The following EIF4G3 variants were observed in gnomAD, a reference collection of about 807,000 sequenced individuals.
EIF4G3 encodes the protein eIF-4-gamma 3.
A neutral mutation model predicts 186.4 loss-of-function variants in EIF4G3; 34 were observed. The observed-to-expected ratio is 0.18, with a 90% CI of 0.14 to 0.24. The LOEUF (loss-of-function observed/expected upper bound fraction) is 0.24, where lower values mean the gene tolerates loss of function less well. Among genes scored for constraint, EIF4G3 ranks in the 10% least tolerant of loss-of-function variants. The pLI, the probability that EIF4G3 is intolerant of heterozygous loss-of-function variation, is 1.00. For missense variants in EIF4G3, 1,536 were observed against 1,948.5 expected, an observed-to-expected ratio of 0.79 and a Z score of 3.99; for synonymous variants, 673 against 679.5, an observed-to-expected ratio of 0.99 and a Z score of 0.15.
At chr1:20,952,901 G>A (rs1236244934) in intron 12 of EIF4G3, among the ~76,000 whole-genome samples, 1 of 151,548 alleles carries the variant, frequency 6.6e-6, no homozygotes, top group Non-Finnish European at 1.5e-5. Context: ...TAACAAAGGA[G>A]TTCCTTATCT....
At chr1:21,175,158 G>A (rs886163723) in intron 2 of EIF4G3, 1 of 152,182 alleles carries the variant, frequency 6.6e-6, no homozygotes, top group Non-Finnish European at 1.5e-5. Context: ...AATACAGTGG[G>A]TGTAGGGAGG....
At position 20,868,090 on chromosome 1, in the gene EIF4G3, C is replaced by CTTTTT. The variant is rs66560662; in HGVS notation, c.2623-2833_2623-2829dup. Among the ~76,000 whole-genome samples, 4 of 90,416 alleles carry CTTTTT rather than the reference C, an allele frequency of 4.4e-5. 1 individual carries two copies. Among genetic ancestry groups the CTTTTT allele is most frequent in the African/African-American group, 8.1e-5 (2 of 24,694 alleles). 59.3% of individuals were successfully genotyped at this position (90,416 alleles called of 152,430 possible). A position where few individuals can be genotyped will look rare whatever the true frequency, so the allele number is the denominator to read the frequency against. Reference sequence around the variant, plus strand: ...GAGAATAGTGATTCATGGTGATTTTCTTTTTTTTTTTTTTTTGTCCTTAGG... The same window carrying CTTTTT: ...GAGAATAGTGATTCATGGTGATTTTCTTTTTTTTTTTTTTTTTTTTTGTCCTTAGG... On this transcript the variant is annotated intron_variant, in intron 20 of 36. Coordinates refer to ENST00000602326, the MANE Select transcript of EIF4G3 (RefSeq NM_001391906.1).
chr1:20,935,020 C>T (rs966953798), intron 14 of EIF4G3, among the ~76,000 whole-genome samples: 3 of 152,178 alleles, frequency 2.0e-5, no homozygotes, highest in Admixed American at 6.5e-5. Flanking sequence ...GTGCATGGAA[C>T]AATGACTGAC....
Position 20,901,687 on chromosome 1 carries a change from T to C in EIF4G3, c.1753-1744A>G, listed in dbSNP as rs1050336269. ...CAGAATCACTGAATTATCTGAGGTG[T>C]ATTACTATGAGGGGTATTTGAAGAG... On this transcript the variant is annotated intron_variant, in intron 15 of 36. Transcript: ENST00000602326. 2.6e-5 allele frequency among the ~76,000 whole-genome samples: 4 copies of C among 152,152 alleles called. No individual in the cohort carries two copies. The East Asian group carries it at 7.7e-4, about 29-fold the overall frequency.
intron 4 of EIF4G3, among the ~76,000 whole-genome samples, chr1:21,048,251 CAGTA>C (rs2094006918): frequency 6.6e-6 from 1 of 152,100 alleles, no homozygotes; most frequent in African/African-American, 2.4e-5. Context: ...CAACTTGAAA[CAGTA>C]AGAATTTCAA....
At position 20,948,952 on chromosome 1, in the gene EIF4G3, TG is replaced by T. The variant is rs2096083849; in HGVS notation, c.823+1050del. 2.3e-5 allele frequency among the ~76,000 whole-genome samples: 3 copies of T among 131,374 alleles called. No individual in the cohort carries two copies. In the South Asian group the frequency reaches 6.9e-4, roughly 30 times the overall value. The allele number at this position is 131,374 out of a possible 152,430, so 86.2% of individuals were successfully genotyped here. ...TGAGCCCAGGAGGAGGAGGTTGCAGTGAGTCAAGACTCTGTCTCAAAAAAAA... is the reference window on the plus strand; with the variant it reads ...TGAGCCCAGGAGGAGGAGGTTGCAGTAGTCAAGACTCTGTCTCAAAAAAAA... On this transcript the variant is annotated intron_variant, in intron 13 of 36. Coordinates refer to ENST00000602326, the MANE Select transcript of EIF4G3 (RefSeq NM_001391906.1).
intron 12 of EIF4G3, among the ~76,000 whole-genome samples, chr1:20,951,303 G>C (rs2096208490): frequency 6.6e-6 from 1 of 151,794 alleles, no homozygotes; most frequent in African/African-American, 2.4e-5. Flanking sequence ...GACTATATAA[G>C]GCTTATATAG....
intron 2 of EIF4G3, among the ~76,000 whole-genome samples, chr1:21,152,339 CAAAAA>C (rs34780982): frequency 1.9e-5 from 2 of 103,572 alleles, no homozygotes; most frequent in Non-Finnish European, 1.8e-5. Flanking sequence ...CCTGTCTCTA[CAAAAA>C]AAAAAAAAGC....
At position 21,074,435 on chromosome 1, in the gene EIF4G3, A is replaced by G. The variant is rs370783394; in HGVS notation, c.-196+14703T>C. 2.6e-5 allele frequency among the ~76,000 whole-genome samples: 4 copies of G among 152,364 alleles called. No homozygotes were observed. In the East Asian group the frequency reaches 5.8e-4, roughly 22 times the overall value. On this transcript the variant is annotated intron_variant, in intron 3 of 36. Coordinates refer to ENST00000602326, the MANE Select transcript of EIF4G3 (RefSeq NM_001391906.1). ...TAAGAATGCCTAACATTATGAAAAT[A>G]TCTAAATGCTATCATCTCGTATTTA... is the stretch of plus-strand genomic sequence containing the variant.
intron 2 of EIF4G3, among the ~76,000 whole-genome samples, chr1:21,101,956 CA>C (rs1490597751): frequency 6.6e-6 from 1 of 151,782 alleles, no homozygotes; most frequent in Admixed American, 6.6e-5. Flanking sequence ...AAGTTATATA[CA>C]AAAAACTTAT....
chr1:21,018,010 C>G (rs1345934626), intron 4 of EIF4G3, among the ~76,000 whole-genome samples: 2 of 151,950 alleles, frequency 1.3e-5, no homozygotes, highest in Admixed American at 1.3e-4. Flanking sequence ...ATAACCATAG[C>G]TCACCACAGC....
chr1:20,906,409 C>G (rs992105142), intron 14 of EIF4G3, among the ~76,000 whole-genome samples: 1 of 152,104 alleles, frequency 6.6e-6, no homozygotes, highest in Non-Finnish European at 1.5e-5. Flanking sequence ...TTATAGAGTT[C>G]AGAGAATCTG....
rs566962474 is a variant in EIF4G3 at position 20,864,527 on chromosome 1, C to A, written c.2955G>T (p.Leu985=). The change falls in exon 22 of 37, where the codon CTG becomes CTT. Residue 985 remains leucine (L), a synonymous_variant. Transcript: ENST00000602326. ...KNHDEESLEC[L]CRLLTTIGKD... ...TGCCAATGGTGGTGAGCAGGCGACA[C>A]AGGCACTCCAGGGATTCTTCATCAT... The A allele has an allele frequency of 5.0e-6, 8 of 1,614,208 alleles. No individual in the cohort carries two copies. The highest frequency in any genetic ancestry group is 5.9e-6 in the Non-Finnish European group (7 of 1,180,032).
chr1:20,873,986 C>T (rs1255823112), intron 20 of EIF4G3, among the ~76,000 whole-genome samples: 1 of 152,100 alleles, frequency 6.6e-6, no homozygotes, highest in Non-Finnish European at 1.5e-5. Flanking sequence ...TGATGGCTTC[C>T]AGCTTCATCC....
intron 2 of EIF4G3, among the ~76,000 whole-genome samples, chr1:21,158,874 A>G (rs1326835411): frequency 1.3e-5 from 2 of 152,060 alleles, no homozygotes; most frequent in Non-Finnish European, 2.9e-5. Context: ...AGAAATACCT[A>G]TATTTTCTCG....
chr1:21,025,074 G>A (rs1371059006), intron 4 of EIF4G3, among the ~76,000 whole-genome samples: 1 of 152,092 alleles, frequency 6.6e-6, no homozygotes, highest in East Asian at 1.9e-4. Flanking sequence ...AGGAGATCAT[G>A]TGTAGGCAAA....
At position 20,842,390 on chromosome 1, in the gene EIF4G3, A is replaced by C. The variant is rs575707094; in HGVS notation, c.3889-1362T>G. Among the ~76,000 whole-genome samples, 2 of 152,332 alleles carry C rather than the reference A, an allele frequency of 1.3e-5. 1 individual carries two copies. The highest frequency in any genetic ancestry group is 1.3e-4 in the Admixed American group (2 of 15,306). On this transcript the variant is annotated intron_variant, in intron 29 of 36. Coordinates refer to ENST00000602326, the MANE Select transcript of EIF4G3 (RefSeq NM_001391906.1). Reference sequence around the variant, plus strand: ...AATGGTTTCTTTTTTCTTTTGAGACAGAGTTTCACTCTTGTTGCCCAGGCT... The same window carrying C: ...AATGGTTTCTTTTTTCTTTTGAGACCGAGTTTCACTCTTGTTGCCCAGGCT...
At position 21,175,980 on chromosome 1, in the gene EIF4G3, G is replaced by A. The variant is rs532348037; in HGVS notation, c.-272+195C>T. 3.4e-4 allele frequency: 88 copies of A among 256,158 alleles called. 2 individuals are homozygous for A. The South Asian group carries it at 0.014, about 41-fold the overall frequency. 15.9% of individuals were successfully genotyped at this position (256,158 alleles called of 1,614,324 possible). A position where few individuals can be genotyped will look rare whatever the true frequency, so the allele number is the denominator to read the frequency against. ...GGGCTAGCTTTCACAGTATTGCAGAGGGTCTGGGGGTCCCCCCGCAGTGCT... is the reference window on the plus strand; with the variant it reads ...GGGCTAGCTTTCACAGTATTGCAGAAGGTCTGGGGGTCCCCCCGCAGTGCT... On this transcript the variant is annotated intron_variant, in intron 2 of 36. Transcript: ENST00000602326.
intron 16 of EIF4G3, 116 bp downstream of exon 16, chr1:20,899,581 T>C: frequency 7.6e-7 from 1 of 1,309,574 alleles, no homozygotes; most frequent in Non-Finnish European, 1.0e-6. Flanking sequence ...CCTGTAAATA[T>C]TATATTGTGA....
Sources: gnomAD v4.1 joint callset for allele counts (sites outside exome capture counted in the v4.1 genomes callset) on GRCh38, gnomAD v4.1.1 for gene constraint, MANE v1.5 for transcripts, NCBI Gene and HGNC (gene_info 2026-07-23, HGNC 2026-07-21) for gene names.